Variants in XKR6 observed in about 807,000 individuals in gnomAD.
XKR6 encodes the protein XK-related protein 6.
In XKR6, 22 loss-of-function variants were observed where a neutral mutation model predicts 56.7. That is an observed-to-expected ratio of 0.39 (90% CI 0.28 to 0.55). XKR6 has a LOEUF of 0.55. XKR6 is among the 20% of genes least tolerant of loss of function. XKR6 has a pLI of 0.66. For synonymous variants in XKR6, 524 were observed against 387.8 expected (o/e 1.35, Z -4.13); for missense variants, 852 against 889.0 (o/e 0.96, Z 0.53).
In XKR6 at chr8:11,180,710, G is replaced by T. The variant is rs555196890; in HGVS notation, c.764+19866C>A. 1.2e-3 allele frequency among the ~76,000 whole-genome samples: 176 copies of T among 152,190 alleles called. 1 individual carries two copies. Among genetic ancestry groups the T allele is most frequent in the African/African-American group, 4.1e-3 (169 of 41,514 alleles). On this transcript the variant is annotated intron_variant, in intron 1 of 2. Transcript: ENST00000416569. ...GCTTGGGCCCAGGAGTTCAAGCCCA[G>T]CCTGGGCAACACATTGAGACCCCAA... is the stretch of plus-strand genomic sequence containing the variant.
chr8:11,131,409 A>AT (rs552810114), intron 1 of XKR6, among the ~76,000 whole-genome samples: 1,796 of 152,140 alleles, frequency 0.012, 18 homozygotes, highest in Middle Eastern at 0.02. Context: ...TGATGAAATC[A>AT]TTTTTTTTGA....
intron 1 of XKR6, among the ~76,000 whole-genome samples, chr8:10,957,063 G>T (rs1458794381): frequency 1.3e-5 from 2 of 152,144 alleles, no homozygotes; most frequent in Non-Finnish European, 2.9e-5. Context: ...CAATTCTCAG[G>T]CTTCAGCCTC....
At chr8:11,032,879 G>A (rs551990149) in intron 1 of XKR6, among the ~76,000 whole-genome samples, 1 of 152,322 alleles carries the variant, frequency 6.6e-6, no homozygotes, top group African/African-American at 2.4e-5. Context: ...GAGCAGTAGT[G>A]GCTTTGCTGG....
chr8:11,053,974 C>T (rs1371663189), intron 1 of XKR6, among the ~76,000 whole-genome samples: 1 of 152,194 alleles, frequency 6.6e-6, no homozygotes, highest in Non-Finnish European at 1.5e-5. Context: ...ACTGCTGAAC[C>T]AATGGGCTAC....
chr8:10,945,009 AGTCTTTCTGGATGTAGG>A (rs1246570544), intron 1 of XKR6, among the ~76,000 whole-genome samples: 1 of 152,168 alleles, frequency 6.6e-6, no homozygotes, highest in Admixed American at 6.5e-5. Context: ...GTCGCCATGC[AGTCTTTCTGGATGTAGG>A]GTCAAGCTCG....
intron 1 of XKR6, among the ~76,000 whole-genome samples, chr8:11,157,118 T>C (rs770599943): frequency 2.0e-5 from 3 of 152,124 alleles, no homozygotes; most frequent in Non-Finnish European, 2.9e-5. Context: ...CTAACCCAAA[T>C]TGACAAACAT....
rs142700077 is a variant in XKR6, at chr8:11,089,424, C to T, written c.764+111152G>A. Among the ~76,000 whole-genome samples the T allele has an allele frequency of 1.8e-3, 269 of 152,052 alleles. 1 individual carries two copies. The highest frequency in any genetic ancestry group is 3.1e-3 in the Admixed American group (48 of 15,258). ...AATGGGAGTATTGCTTGAGCCTAGG[C>T]GTTTGAGACCAGGCTGGACAATACA... is the stretch of plus-strand genomic sequence containing the variant. On this transcript the variant is annotated intron_variant, in intron 1 of 2. Coordinates refer to ENST00000416569, the MANE Select transcript of XKR6 (RefSeq NM_173683.4).
rs149253963 is a variant in XKR6, at chr8:10,900,794, C to T, written c.962-1878G>A. 6.3e-4 allele frequency among the ~76,000 whole-genome samples: 95 copies of T among 151,538 alleles called. 1 individual carries two copies. The highest frequency in any genetic ancestry group is 2.2e-3 in the African/African-American group (91 of 41,266). On this transcript the variant is annotated intron_variant, in intron 2 of 2. Transcript: ENST00000416569. ...GTCTGTTAGGGTGCAGCAGGGAGAA[C>T]TCCCCTTAGGAGTAATGTGATGTAG... is the stretch of plus-strand genomic sequence containing the variant.
At position 10,977,554 on chromosome 8, in the gene XKR6, C is replaced by T. The variant is rs573245307; in HGVS notation, c.765-52724G>A. Among the ~76,000 whole-genome samples the T allele has an allele frequency of 2.0e-5, 3 of 150,756 alleles. No homozygotes were observed. In the East Asian group the frequency reaches 5.9e-4, roughly 30 times the overall value. ...CAACAGAACTATCCAAGCCCCAGCC[C>T]ATTAGCATGAGCCATCTTCAACAGC... On this transcript the variant is annotated intron_variant, in intron 1 of 2. Coordinates refer to ENST00000416569, the MANE Select transcript of XKR6 (RefSeq NM_173683.4).
At chr8:10,939,930 C>A (rs1307107701) in intron 1 of XKR6, among the ~76,000 whole-genome samples, 2 of 152,254 alleles carry the variant, frequency 1.3e-5, no homozygotes, top group African/African-American at 4.8e-5. Context: ...CCAGCCTCCC[C>A]CTCCCCCAGG....
intron 1 of XKR6, among the ~76,000 whole-genome samples, chr8:11,190,063 A>C (rs1488557193): frequency 6.6e-6 from 1 of 152,172 alleles, no homozygotes; most frequent in Non-Finnish European, 1.5e-5. Flanking sequence ...AGGCTGAGGC[A>C]GAAGAATCAC....
chr8:11,038,918 C>A (rs1313255796), intron 1 of XKR6, among the ~76,000 whole-genome samples: 2 of 151,938 alleles, frequency 1.3e-5, no homozygotes, highest in African/African-American at 4.8e-5. Context: ...GCTTCTGAGG[C>A]TTTAGCTACC....
At chr8:11,188,854 T>C (rs1193166022) in intron 1 of XKR6, among the ~76,000 whole-genome samples, 5 of 152,160 alleles carry the variant, frequency 3.3e-5, no homozygotes, top group African/African-American at 1.2e-4. Flanking sequence ...GGCCCTGAGC[T>C]TCTCCGTTAC....
At chr8:11,116,968 A>C (rs1422827929) in intron 1 of XKR6, among the ~76,000 whole-genome samples, 3 of 152,212 alleles carry the variant, frequency 2.0e-5, no homozygotes, top group African/African-American at 7.2e-5. Flanking sequence ...ACTTAGTCTT[A>C]ACTTTTACTA....
At chr8:11,165,424 T>C (rs1484627379) in intron 1 of XKR6, among the ~76,000 whole-genome samples, 1 of 152,124 alleles carries the variant, frequency 6.6e-6, no homozygotes, top group African/African-American at 2.4e-5. Flanking sequence ...AGCAAAGAAC[T>C]GCAGGTGTAC....
intron 1 of XKR6, chr8:11,104,803 G>C (rs1016875821): frequency 1.3e-5 from 2 of 152,212 alleles, no homozygotes; most frequent in African/African-American, 4.8e-5. Context: ...GATCAAGTGT[G>C]AAAAGTGATC....
chr8:11,058,676 G>A lies in XKR6; in HGVS notation c.765-133846C>T, dbSNP rs369614408. Among the ~76,000 whole-genome samples the A allele has an allele frequency of 1.2e-4, 18 of 152,220 alleles. No homozygotes were observed. The East Asian group carries it at 2.9e-3, about 25-fold the overall frequency. ...CACCGGGAGGGGAACATCACACACC[G>A]GAGCCTGTCGTGGGCTGGGGTCAAG... On this transcript the variant is annotated intron_variant, in intron 1 of 2. Transcript: ENST00000416569.
chr8:10,992,181 T>G (rs1341418053), intron 1 of XKR6, among the ~76,000 whole-genome samples: 2 of 152,206 alleles, frequency 1.3e-5, no homozygotes, highest in Admixed American at 1.3e-4. Flanking sequence ...AGCTGTCAAA[T>G]GTTTTTAAAG....
intron 1 of XKR6, among the ~76,000 whole-genome samples, chr8:11,186,709 C>T (rs770126045): frequency 3.3e-5 from 5 of 152,170 alleles, no homozygotes; most frequent in Non-Finnish European, 7.3e-5. Context: ...AACAGTTATA[C>T]TTTCTCTATA....
Sources: gnomAD v4.1 joint callset for allele counts (sites outside exome capture counted in the v4.1 genomes callset) on GRCh38, gnomAD v4.1.1 for gene constraint, MANE v1.5 for transcripts, NCBI Gene and HGNC (gene_info 2026-07-23, HGNC 2026-07-21) for gene names.